The following STAG1 variants were observed in gnomAD, a reference collection of about 807,000 sequenced individuals.
The protein encoded by STAG1 is cohesin subunit SA-1.
Under a neutral mutation model 170.9 loss-of-function variants are expected in STAG1, and 26 were observed. The observed-to-expected ratio is 0.15, with a 90% confidence interval of 0.11 to 0.21. The LOEUF is 0.21. Ranked by LOEUF, STAG1 falls within the 10% of genes least tolerant of loss-of-function variation. The probability of loss-of-function intolerance (pLI) is 1.00; values close to 1 mark genes in which losing one functional copy is unlikely to be tolerated. For synonymous variants in STAG1, 514 were observed against 497.7 expected, an observed-to-expected ratio of 1.03 and a Z score of -0.44; for missense variants, 964 against 1,509.5, an observed-to-expected ratio of 0.64 and a Z score of 5.99.
At chr3:136,591,639 G>A (rs1194544728) in intron 4 of STAG1, 3 of 265,522 alleles carry the variant, frequency 1.1e-5, no homozygotes, top group Non-Finnish European at 2.3e-5. Flanking sequence ...TGGCTATTGT[G>A]CAAGTTCAAA....
At chr3:136,376,497 A>C (rs1406430411) in intron 23 of STAG1, among the ~76,000 whole-genome samples, 1 of 152,014 alleles carries the variant, frequency 6.6e-6, no homozygotes, top group Admixed American at 6.6e-5. Context: ...CCATTGTCCA[A>C]GTATAGGGAC....
intron 3 of STAG1, among the ~76,000 whole-genome samples, chr3:136,616,972 T>G (rs748623922): frequency 6.6e-6 from 1 of 152,216 alleles, no homozygotes; most frequent in African/African-American, 2.4e-5. Context: ...TATATTTTGC[T>G]GTGTGAAAGG....
At chr3:136,449,316 T>C (rs2088870570) in intron 14 of STAG1, among the ~76,000 whole-genome samples, 1 of 152,104 alleles carries the variant, frequency 6.6e-6, no homozygotes. Flanking sequence ...ATCCCAGCAC[T>C]TTGGAAGGCC....
intron 1 of STAG1, among the ~76,000 whole-genome samples, chr3:136,712,777 G>A (rs1943418994): frequency 6.6e-6 from 1 of 152,150 alleles, no homozygotes; most frequent in South Asian, 2.1e-4. Flanking sequence ...CAACAGAAAT[G>A]GCTTCACATG....
chr3:136,706,910 G>A (rs74410968), intron 1 of STAG1, among the ~76,000 whole-genome samples: 19 of 152,236 alleles, frequency 1.2e-4, no homozygotes, highest in Non-Finnish European at 2.2e-4. Context: ...ACACTCTATG[G>A]TCAACTGATT....
chr3:136,736,488 G>C, intron 1 of STAG1: 1 of 1,337,690 alleles, frequency 7.5e-7, no homozygotes, highest in East Asian at 2.3e-5. Context: ...TGTGACCCCG[G>C]GTGGTCATTC....
intron 6 of STAG1, among the ~76,000 whole-genome samples, chr3:136,531,616 T>C (rs1935371377): frequency 6.6e-6 from 1 of 151,650 alleles, no homozygotes; most frequent in South Asian, 2.1e-4. Context: ...TGTAGGGACA[T>C]GGATGAAATT....
At chr3:136,634,556 G>A (rs1940473525) in intron 1 of STAG1, among the ~76,000 whole-genome samples, 1 of 149,794 alleles carries the variant, frequency 6.7e-6, no homozygotes. Flanking sequence ...AAATGTATGG[G>A]ATGCAGCAAA....
chr3:136,423,657 A>C (rs1000799744), intron 16 of STAG1, among the ~76,000 whole-genome samples: 22 of 152,202 alleles, frequency 1.4e-4, no homozygotes, highest in African/African-American at 5.3e-4. Context: ...AAATATTAAA[A>C]TGTAAGTTCA....
At position 136,649,059 on chromosome 3, in the gene STAG1, C is replaced by G. The variant is rs1348677727; in HGVS notation, c.-83-18078G>C. On this transcript the variant is annotated intron_variant, in intron 1 of 33. Transcript: ENST00000383202. The stretch of plus-strand genomic sequence containing the variant: ...CTCTCTGACACTGTAATTTACATCT[C>G]TGTAATATCAAATTATATACTTGTA... Among the ~76,000 whole-genome samples the G allele has an allele frequency of 2.0e-5, 3 of 152,226 alleles. No homozygotes were observed. In the East Asian group the frequency reaches 5.8e-4, roughly 29 times the overall value.
chr3:136,380,788 G>C (rs570105092), intron 22 of STAG1, among the ~76,000 whole-genome samples: 1 of 151,994 alleles, frequency 6.6e-6, no homozygotes, highest in African/African-American at 2.4e-5. Context: ...GGGAGGCTGA[G>C]GTTGGCGGAT....
intron 1 of STAG1, among the ~76,000 whole-genome samples, chr3:136,643,339 A>G (rs957072841): frequency 6.6e-6 from 1 of 152,236 alleles, no homozygotes; most frequent in Admixed American, 6.5e-5. Flanking sequence ...TCTAGTTCAT[A>G]GAATCAGACA....
intron 13 of STAG1, among the ~76,000 whole-genome samples, chr3:136,454,786 T>A (rs1039135707): frequency 3.3e-5 from 5 of 152,244 alleles, no homozygotes; most frequent in Non-Finnish European, 7.3e-5. Context: ...TAGTAAAACA[T>A]TCATTTCAGA....
intron 14 of STAG1, among the ~76,000 whole-genome samples, chr3:136,444,840 A>G (rs778019585): frequency 6.6e-6 from 1 of 152,034 alleles, no homozygotes; most frequent in Non-Finnish European, 1.5e-5. Flanking sequence ...TAACTCTATA[A>G]TCACTCTTAA....
intron 14 of STAG1, among the ~76,000 whole-genome samples, chr3:136,445,947 A>C (rs1282499981): frequency 1.3e-5 from 2 of 152,238 alleles, no homozygotes; most frequent in Non-Finnish European, 2.9e-5. Flanking sequence ...CCCAAATGAT[A>C]ATCTGCATTT....
At position 136,336,380 on chromosome 3, in the gene STAG1, T is replaced by C. The variant is rs1247630037; in HGVS notation, c.*1874A>G. 2.0e-5 allele frequency: 3 copies of C among 152,262 alleles called. No homozygotes were observed. Among genetic ancestry groups the C allele is most frequent in the African/African-American group, 4.8e-5 (2 of 41,474 alleles). 9.4% of individuals were successfully genotyped at this position (152,262 alleles called of 1,614,324 possible). A position where few individuals can be genotyped will look rare whatever the true frequency, so the allele number is the denominator to read the frequency against. On this transcript the variant is annotated 3_prime_UTR_variant, in exon 34 of 34. Coordinates refer to ENST00000383202, the MANE Select transcript of STAG1 (RefSeq NM_005862.3). Reference sequence around the variant, plus strand: ...AGACACCGAAAATACAAAAATTTGATTGACTTCAAACTGAACTGGAAACCC... The same window carrying C: ...AGACACCGAAAATACAAAAATTTGACTGACTTCAAACTGAACTGGAAACCC...
chr3:136,735,963 A>G (rs1476426456), intron 1 of STAG1, among the ~76,000 whole-genome samples: 3 of 152,194 alleles, frequency 2.0e-5, no homozygotes, highest in African/African-American at 4.8e-5. Context: ...GGCACATGCC[A>G]AACACCACAG....
At chr3:136,473,357 C>T (rs749347117) in intron 11 of STAG1, among the ~76,000 whole-genome samples, 182 bp downstream of exon 11, 1 of 152,160 alleles carries the variant, frequency 6.6e-6, no homozygotes, top group Admixed American at 6.5e-5. Context: ...CCCTCAACCC[C>T]CACCTTGGTC....
chr3:136,739,623 C>T (rs1934549877), intron 1 of STAG1, among the ~76,000 whole-genome samples: 1 of 151,568 alleles, frequency 6.6e-6, no homozygotes, highest in Non-Finnish European at 1.5e-5. Flanking sequence ...AGTTCGAGAC[C>T]AGCCTGGCCA....
Sources: gnomAD v4.1 joint callset for allele counts (sites outside exome capture counted in the v4.1 genomes callset) on GRCh38, gnomAD v4.1.1 for gene constraint, MANE v1.5 for transcripts, NCBI Gene and HGNC (gene_info 2026-07-23, HGNC 2026-07-21) for gene names.